GOLM2: variants seen among roughly 807,000 people sequenced by gnomAD.
The protein encoded by GOLM2 is protein GOLM2.
A neutral mutation model predicts 55.9 loss-of-function variants in GOLM2; 26 were observed. That is an observed-to-expected ratio of 0.47 (90% CI 0.34 to 0.65). The LOEUF is 0.65. Among genes scored for constraint, GOLM2 ranks in the 30% least tolerant of loss-of-function variants. GOLM2 has a pLI of 0.01. For missense variants in GOLM2, 486 were observed against 531.8 expected (o/e 0.91, Z 0.85); for synonymous variants, 165 against 194.6 (o/e 0.85, Z 1.27).
chr15:44,379,550 C>T, intron 6 of GOLM2, 140 bp from the exon 7 acceptor site: 1 of 609,380 alleles, frequency 1.6e-6, no homozygotes. Context: ...ATTAGCATAC[C>T]AACTATAAGG....
chr15:44,326,438 AT>A (rs2078981317), intron 2 of GOLM2, among the ~76,000 whole-genome samples: 1 of 152,010 alleles, frequency 6.6e-6, no homozygotes, highest in South Asian at 2.1e-4. Flanking sequence ...TGTGACTTAA[AT>A]TTTTATTCTT....
intron 2 of GOLM2, among the ~76,000 whole-genome samples, chr15:44,325,393 A>G (rs1008949231): frequency 6.6e-6 from 1 of 152,194 alleles, no homozygotes; most frequent in Non-Finnish European, 1.5e-5. Flanking sequence ...GGAAAATTTT[A>G]TTTCCTGATA....
chr15:44,330,839 C>T (rs906427921), intron 3 of GOLM2, among the ~76,000 whole-genome samples: 15 of 152,142 alleles, frequency 9.9e-5, no homozygotes, highest in African/African-American at 3.6e-4. Context: ...GTTGCTTTTA[C>T]AGCATAGATG....
intron 6 of GOLM2, among the ~76,000 whole-genome samples, chr15:44,352,457 A>G (rs1032200785): frequency 3.3e-5 from 5 of 152,196 alleles, no homozygotes; most frequent in African/African-American, 1.2e-4. Flanking sequence ...GACCTGAACT[A>G]TGAAACTACT....
intron 6 of GOLM2, 135 bp downstream of exon 6, chr15:44,338,452 A>G: frequency 1.6e-6 from 1 of 633,088 alleles, no homozygotes; most frequent in Non-Finnish European, 2.6e-6. Context: ...TTAAGTACCC[A>G]TTAATTGCCA....
At chr15:44,412,509 C>A (rs755270025) in intron 9 of GOLM2, among the ~76,000 whole-genome samples, 1 of 151,736 alleles carries the variant, frequency 6.6e-6, no homozygotes, top group African/African-American at 2.4e-5. Flanking sequence ...TTTGCAGAGA[C>A]GTAAAGAAAT....
chr15:44,370,751 C>A (rs1595654330), intron 6 of GOLM2, among the ~76,000 whole-genome samples: 1 of 152,122 alleles, frequency 6.6e-6, no homozygotes, highest in Non-Finnish European at 1.5e-5. Flanking sequence ...GCATCTACTT[C>A]TTGGGCTCAA....
At chr15:44,310,983 C>T (rs774290727) in intron 1 of GOLM2, among the ~76,000 whole-genome samples, 2 of 152,166 alleles carry the variant, frequency 1.3e-5, no homozygotes, top group African/African-American at 2.4e-5. Flanking sequence ...TGCCACTTCA[C>T]TCCAGCCTGG....
chr15:44,302,879 C>T (rs2078808533), intron 1 of GOLM2, among the ~76,000 whole-genome samples: 1 of 151,972 alleles, frequency 6.6e-6, no homozygotes, highest in African/African-American at 2.4e-5. Flanking sequence ...CTGAGGTGGG[C>T]GTATCACGAG....
At chr15:44,298,998 A>C (rs1280844532) in intron 1 of GOLM2, among the ~76,000 whole-genome samples, 1 of 152,210 alleles carries the variant, frequency 6.6e-6, no homozygotes, top group African/African-American at 2.4e-5. Flanking sequence ...CACATTGCAG[A>C]GACCGCATGG....
intron 6 of GOLM2, among the ~76,000 whole-genome samples, chr15:44,346,968 A>G (rs1238836036): frequency 6.6e-6 from 1 of 151,972 alleles, no homozygotes; most frequent in Non-Finnish European, 1.5e-5. Flanking sequence ...TCTTAGGAAA[A>G]AAAAAAATGG....
intron 8 of GOLM2, chr15:44,381,974 T>A (rs2079406515): frequency 6.6e-6 from 1 of 152,088 alleles, no homozygotes; most frequent in Non-Finnish European, 1.5e-5. Flanking sequence ...TTTTTGTTGA[T>A]CTTGTAACAG....
chr15:44,351,940 G>A (rs2079167800), intron 6 of GOLM2, among the ~76,000 whole-genome samples: 1 of 152,018 alleles, frequency 6.6e-6, no homozygotes. Context: ...CACACAAAAA[G>A]GAAAGATATT....
intron 1 of GOLM2, among the ~76,000 whole-genome samples, chr15:44,292,017 C>T (rs1361249981): frequency 2.0e-5 from 3 of 152,024 alleles, no homozygotes; most frequent in East Asian, 3.9e-4. Context: ...TTTTCATGGC[C>T]TACCTATTAT....
Position 44,288,913 on chromosome 15 carries a change from G to A in GOLM2, c.-117G>A. 1.1e-6 allele frequency: 1 copy of A among 933,628 alleles called. No homozygotes were observed. The highest frequency in any genetic ancestry group is 1.6e-6 in the Non-Finnish European group (1 of 637,322). The allele number at this position is 933,628 out of a possible 1,614,324, so 57.8% of individuals were successfully genotyped here. On this transcript the variant is annotated 5_prime_UTR_variant, in exon 1 of 10. Coordinates refer to ENST00000299957, the MANE Select transcript of GOLM2 (RefSeq NM_138423.4). ...CGGCTCGCAGCCGACCGGTAAGCCC[G>A]CCTCCTCCCTCGGCCGGCCCTGGGG...
At chr15:44,404,202 T>G (rs1226171799) in intron 9 of GOLM2, among the ~76,000 whole-genome samples, 2 of 152,202 alleles carry the variant, frequency 1.3e-5, no homozygotes, top group Non-Finnish European at 2.9e-5. Flanking sequence ...CATCATAACA[T>G]GCTTTGATTT....
intron 8 of GOLM2, among the ~76,000 whole-genome samples, chr15:44,386,931 T>G (rs2079449680): frequency 6.6e-6 from 1 of 151,928 alleles, no homozygotes; most frequent in African/African-American, 2.4e-5. Flanking sequence ...TCCCAGCACT[T>G]TGGGAGGCCG....
chr15:44,351,534 G>A (rs1005129349), intron 6 of GOLM2, among the ~76,000 whole-genome samples: 12 of 136,746 alleles, frequency 8.8e-5, no homozygotes, highest in East Asian at 4.2e-4. Context: ...CTGAGATTGC[G>A]CCGCTACACT....
At chr15:44,392,607 GC>G (rs2141204671) in intron 8 of GOLM2, among the ~76,000 whole-genome samples, 1 of 149,316 alleles carries the variant, frequency 6.7e-6, no homozygotes, top group African/African-American at 2.5e-5. Flanking sequence ...TGGTGACAAA[GC>G]GAGACTCGGT....
Sources: gnomAD v4.1 joint callset for allele counts (sites outside exome capture counted in the v4.1 genomes callset) on GRCh38, gnomAD v4.1.1 for gene constraint, MANE v1.5 for transcripts, NCBI Gene and HGNC (gene_info 2026-07-23, HGNC 2026-07-21) for gene names.